INIP: variants seen among roughly 807,000 people sequenced by gnomAD.
INIP encodes INTS3 and NABP interacting protein, also known as SOSS complex subunit C.
In INIP, 9 loss-of-function variants were observed where a neutral mutation model predicts 14.0. The observed-to-expected ratio is 0.64, with a 90% CI of 0.39 to 1.12. INIP has a LOEUF of 1.12. Among genes scored for constraint, INIP ranks in the 50% most tolerant of loss-of-function variants. The pLI is 0.01. For missense variants in INIP, 78 were observed against 122.7 expected (o/e 0.64, Z 1.72); for synonymous variants, 37 against 41.5 (o/e 0.89, Z 0.41).
In INIP at chr9:112,717,144, A is replaced by G. The variant is rs12685865; in HGVS notation, c.-56-603T>C. Among the ~76,000 whole-genome samples the G allele has an allele frequency of 0.015, 2,286 of 152,294 alleles. 142 individuals carry two copies. In the South Asian group the frequency reaches 0.17, roughly 12 times the overall value. ...CGTCATTAGGTTGTATTTACCAAAT[A>G]TATCAACCAATTGATAGAGTCAATA... On this transcript the variant is annotated intron_variant, in intron 1 of 4. Transcript: ENST00000374242.
rs895571400 is a variant in INIP, at chr9:112,713,831, A to G, written c.25+2630T>C. On this transcript the variant is annotated intron_variant, in intron 2 of 4. Transcript: ENST00000374242. ...CATGGTGAAACCCCGTTTCTACAAA[A>G]AAATTAGCCAGGCGCAGTGGCACGC... Among the ~76,000 whole-genome samples the G allele has an allele frequency of 5.9e-5, 9 of 152,194 alleles. 1 individual carries two copies. Among genetic ancestry groups the G allele is most frequent in the Admixed American group, 2.6e-4 (4 of 15,284 alleles).
chr9:112,684,635 A>G lies in INIP; in HGVS notation c.*2903T>C, dbSNP rs1199464372. 2 of 152,216 alleles carry G rather than the reference A, an allele frequency of 1.3e-5. No individual in the cohort carries two copies. The highest frequency in any genetic ancestry group is 2.9e-5 in the Non-Finnish European group (2 of 68,044). 9.4% of individuals were successfully genotyped at this position (152,216 alleles called of 1,614,324 possible). ...TCATGAGGCAAAACCACCTATTTCT[A>G]TATGCAGTACACTCAGATGTTTTTG... On this transcript the variant is annotated 3_prime_UTR_variant, in exon 5 of 5. Transcript: ENST00000374242.
At chr9:112,697,274 C>G (rs575084042) in intron 2 of INIP, among the ~76,000 whole-genome samples, 1 of 152,250 alleles carries the variant, frequency 6.6e-6, no homozygotes, top group East Asian at 1.9e-4. Context: ...TTTGGGAGGC[C>G]AAAGTGGGAG....
intron 2 of INIP, among the ~76,000 whole-genome samples, chr9:112,696,385 G>C (rs1838096936): frequency 6.6e-6 from 1 of 152,294 alleles, no homozygotes; most frequent in Non-Finnish European, 1.5e-5. Flanking sequence ...CCTGTCTCGA[G>C]AGAAGTCTTC....
intron 2 of INIP, among the ~76,000 whole-genome samples, chr9:112,709,772 G>T (rs1196211648): frequency 1.3e-5 from 2 of 152,250 alleles, no homozygotes; most frequent in East Asian, 3.9e-4. Flanking sequence ...AGAACTCCCA[G>T]GCCAGTCTGA....
rs1838004553 is a variant in INIP, at chr9:112,694,354, A to G, written c.26-121T>C. The stretch of plus-strand genomic sequence containing the variant: ...GAAAGCAAAACTCCTATTCTCTAAC[A>G]TGATAATGAATTCACCAGTAAGTAC... On this transcript the variant is annotated intron_variant, in intron 2 of 4. Coordinates refer to ENST00000374242, the MANE Select transcript of INIP (RefSeq NM_021218.3). 4 of 625,716 alleles carry G rather than the reference A, an allele frequency of 6.4e-6. No homozygotes were observed. In the South Asian group the frequency reaches 7.2e-5, roughly 11 times the overall value. The allele number at this position is 625,716 out of a possible 1,614,324, so 38.8% of individuals were successfully genotyped here.
In INIP at chr9:112,714,452, A is replaced by G. The variant is rs138653332; in HGVS notation, c.25+2009T>C. On this transcript the variant is annotated intron_variant, in intron 2 of 4. Transcript: ENST00000374242. ...TAGAGAGTAAATTTTACTTTTATAC[A>G]AATTTTAAAATAAAAACTCCTTGAT... 1.2e-4 allele frequency among the ~76,000 whole-genome samples: 19 copies of G among 152,358 alleles called. No homozygotes were observed. In the East Asian group the frequency reaches 3.5e-3, roughly 28 times the overall value.
At chr9:112,704,151 A>G (rs938201614) in intron 2 of INIP, among the ~76,000 whole-genome samples, 2 of 152,226 alleles carry the variant, frequency 1.3e-5, no homozygotes, top group Non-Finnish European at 2.9e-5. Flanking sequence ...AAAGTAGGTC[A>G]CATACCAAAA....
rs905149144 is a variant in INIP at position 112,695,829 on chromosome 9, AAGG to A, written c.26-1599_26-1597del. ...GGAGGAGAAGAAGAAGGAGAAGAAGAAGGAGAAGAAGGAGAAGAAGAAGGAGAA... is the reference window on the plus strand; with the variant it reads ...GGAGGAGAAGAAGAAGGAGAAGAAGAAGAAGAAGGAGAAGAAGAAGGAGAA... On this transcript the variant is annotated intron_variant, in intron 2 of 4. Coordinates refer to ENST00000374242, the MANE Select transcript of INIP (RefSeq NM_021218.3). Among the ~76,000 whole-genome samples the A allele has an allele frequency of 1.2e-3, 125 of 104,076 alleles. 3 individuals are homozygous for A. The South Asian group carries it at 0.038, about 32-fold the overall frequency. The allele number at this position is 104,076 out of a possible 152,430, so 68.3% of individuals were successfully genotyped here.
At chr9:112,689,071 C>G (rs1004022739) in intron 4 of INIP, among the ~76,000 whole-genome samples, 6 of 151,654 alleles carry the variant, frequency 4.0e-5, no homozygotes, top group Admixed American at 3.3e-4. Flanking sequence ...ATTTCTAGTC[C>G]TATAGTAAGA....
Position 112,715,943 on chromosome 9 carries a change from T to C in INIP, c.25+518A>G, listed in dbSNP as rs116507326. On this transcript the variant is annotated intron_variant, in intron 2 of 4. Coordinates refer to ENST00000374242, the MANE Select transcript of INIP (RefSeq NM_021218.3). ...GATTATCAAGATGTCACTTAGGCGATTGAAATTTTTCAGCTCCATTACCAT... is the reference window on the plus strand; with the variant it reads ...GATTATCAAGATGTCACTTAGGCGACTGAAATTTTTCAGCTCCATTACCAT... Among the ~76,000 whole-genome samples, 1,095 of 152,314 alleles carry C rather than the reference T, an allele frequency of 7.2e-3. 9 individuals carry two copies. The highest frequency in any genetic ancestry group is 0.024 in the African/African-American group (991 of 41,566).
Sources: allele counts gnomAD v4.1 joint callset (sites outside exome capture counted in the v4.1 genomes callset), GRCh38; gene constraint gnomAD v4.1.1; transcripts MANE v1.5; gene names NCBI Gene and HGNC (gene_info 2026-07-23, HGNC 2026-07-21).